SLIT2: variants seen among roughly 807,000 people sequenced by gnomAD.
SLIT2 encodes slit homolog 2 protein.
SLIT2 carries 41 observed loss-of-function variants against 185.7 expected under a neutral mutation model. That is an observed-to-expected ratio of 0.22 (90% CI 0.17 to 0.29). The LOEUF (loss-of-function observed/expected upper bound fraction) is 0.29, where lower values mean the gene tolerates loss of function less well. SLIT2 is among the 10% of genes least tolerant of loss of function. The pLI, the probability that SLIT2 is intolerant of heterozygous loss-of-function variation, is 1.00. For synonymous variants in SLIT2, 693 were observed against 680.2 expected (o/e 1.02, Z -0.29); for missense variants, 1,571 against 1,909.0 (o/e 0.82, Z 3.30).
intron 29 of SLIT2, among the ~76,000 whole-genome samples, chr4:20,571,087 T>G (rs990802007): frequency 1.3e-5 from 2 of 152,100 alleles, no homozygotes; most frequent in African/African-American, 2.4e-5. Flanking sequence ...TCAGATCTCT[T>G]TCTTTGAAAC....
rs1043434984 is a variant in SLIT2 at position 20,254,800 on chromosome 4, C to A, written c.179+806C>A. ...CGGCTGCCCCCTCCGGCCCTTCCTGCTGAACCCCTGCGTCCCCATCCACCT... is the reference window on the plus strand; with the variant it reads ...CGGCTGCCCCCTCCGGCCCTTCCTGATGAACCCCTGCGTCCCCATCCACCT... On this transcript the variant is annotated intron_variant, in intron 1 of 36. Transcript: ENST00000504154. This position sits in a 1 kb window ranked among gnomAD's most constrained non-coding sequence, Gnocchi z 5.1. 9.8e-6 allele frequency: 4 copies of A among 407,486 alleles called. No individual in the cohort carries two copies. In the Admixed American group the frequency reaches 1.0e-4, roughly 10 times the overall value. 25.2% of individuals were successfully genotyped at this position (407,486 alleles called of 1,614,324 possible).
At chr4:20,575,681 C>A (rs1353671984) in intron 29 of SLIT2, among the ~76,000 whole-genome samples, 1 of 152,140 alleles carries the variant, frequency 6.6e-6, no homozygotes, top group African/African-American at 2.4e-5. Flanking sequence ...TTATGCCAAA[C>A]AAGCTTTCCT....
At chr4:20,428,840 T>G (rs1180556269) in intron 4 of SLIT2, among the ~76,000 whole-genome samples, 2 of 152,166 alleles carry the variant, frequency 1.3e-5, no homozygotes, top group African/African-American at 4.8e-5. Context: ...TGCTGACACG[T>G]TAAAGTGGCA....
intron 4 of SLIT2, among the ~76,000 whole-genome samples, chr4:20,332,429 C>A (rs1332077420): frequency 6.6e-6 from 1 of 152,094 alleles, no homozygotes; most frequent in Non-Finnish European, 1.5e-5. Context: ...AAATAAAGGG[C>A]CAGGTGCGGT....
intron 4 of SLIT2, among the ~76,000 whole-genome samples, chr4:20,274,487 T>G (rs1018018424): frequency 6.6e-6 from 1 of 152,202 alleles, no homozygotes; most frequent in Non-Finnish European, 1.5e-5. Flanking sequence ...TTTTATTTTT[T>G]AAATCAACGT....
intron 4 of SLIT2, among the ~76,000 whole-genome samples, chr4:20,432,787 ATTACT>A (rs1374916788): frequency 2.6e-5 from 4 of 152,236 alleles, no homozygotes; most frequent in East Asian, 1.9e-4. Context: ...GAATAGATTC[ATTACT>A]TTAATTGCAA....
chr4:20,375,590 C>G lies in SLIT2; in HGVS notation c.396-92162C>G, dbSNP rs752738065. On this transcript the variant is annotated intron_variant, in intron 4 of 36. Transcript: ENST00000504154. ...CATTAACTAACAGTTTGATTTATGG[C>G]AAACCATTTAATCAGTCTTGACCTT... is the stretch of plus-strand genomic sequence containing the variant. 5.9e-5 allele frequency among the ~76,000 whole-genome samples: 9 copies of G among 152,022 alleles called. No homozygotes were observed. The East Asian group carries it at 1.7e-3, about 29-fold the overall frequency.
intron 4 of SLIT2, among the ~76,000 whole-genome samples, chr4:20,312,535 A>G (rs2109138431): frequency 6.6e-6 from 1 of 152,202 alleles, no homozygotes; most frequent in Non-Finnish European, 1.5e-5. Flanking sequence ...GCACTTTGGG[A>G]GGCTGAGGCA....
rs76427922 is a variant in SLIT2 at position 20,531,206 on chromosome 4, A to G, written c.1614-778A>G. 1.4e-3 allele frequency among the ~76,000 whole-genome samples: 216 copies of G among 152,346 alleles called. 2 individuals are homozygous for G. Among genetic ancestry groups the G allele is most frequent in the African/African-American group, 4.9e-3 (204 of 41,578 alleles). ...CATAGCAGCATTATTTATAGCCATC[A>G]AAGAATGGAAGCAACACAAATGCCT... On this transcript the variant is annotated intron_variant, in intron 16 of 36. Coordinates refer to ENST00000504154, the MANE Select transcript of SLIT2 (RefSeq NM_004787.4).
intron 15 of SLIT2, among the ~76,000 whole-genome samples, chr4:20,526,318 A>G (rs1721289958): frequency 6.6e-6 from 1 of 152,138 alleles, no homozygotes. Context: ...GTATATTATT[A>G]TACTGGCTGC....
At chr4:20,538,204 C>T (rs1185105918) in intron 18 of SLIT2, among the ~76,000 whole-genome samples, 1 of 152,168 alleles carries the variant, frequency 6.6e-6, no homozygotes, top group Admixed American at 6.5e-5. Flanking sequence ...TCGTGATCCG[C>T]CCGCCTCGGC....
chr4:20,581,045 G>A (rs1427666683), intron 29 of SLIT2, among the ~76,000 whole-genome samples: 6 of 152,182 alleles, frequency 3.9e-5, no homozygotes, highest in African/African-American at 1.4e-4. Context: ...TTTACTACCT[G>A]TATTGTTTTG....
At chr4:20,345,691 A>G (rs941314868) in intron 4 of SLIT2, among the ~76,000 whole-genome samples, 3 of 75,926 alleles carry the variant, frequency 4.0e-5, no homozygotes, top group African/African-American at 1.0e-4. Flanking sequence ...ACACACCACC[A>G]TGCCCGGCTA....
intron 12 of SLIT2, among the ~76,000 whole-genome samples, chr4:20,522,961 A>G (rs1720963946): frequency 6.6e-6 from 1 of 152,146 alleles, no homozygotes; most frequent in Non-Finnish European, 1.5e-5. Context: ...CAGAAAAAAA[A>G]TGTATATATT....
At chr4:20,545,967 T>G (rs1041614260) in intron 21 of SLIT2, 64 bp from the exon 22 acceptor site, 3 of 933,222 alleles carry the variant, frequency 3.2e-6, no homozygotes, top group African/African-American at 3.3e-5. Context: ...GAAGTACTGT[T>G]TACTTATTTT....
At chr4:20,540,189 G>A (rs570076842) in intron 19 of SLIT2, among the ~76,000 whole-genome samples, 1 of 152,172 alleles carries the variant, frequency 6.6e-6, no homozygotes, top group Admixed American at 6.5e-5. Flanking sequence ...TCGGGAGGGT[G>A]AGGCAGGAGA....
At chr4:20,396,517 T>C (rs1332549942) in intron 4 of SLIT2, among the ~76,000 whole-genome samples, 1 of 151,838 alleles carries the variant, frequency 6.6e-6, no homozygotes, top group Non-Finnish European at 1.5e-5. Flanking sequence ...CTGGGTGTTG[T>C]TATTACCAGA....
intron 26 of SLIT2, among the ~76,000 whole-genome samples, chr4:20,564,571 A>G (rs1724939884): frequency 6.6e-6 from 1 of 151,896 alleles, no homozygotes; most frequent in African/African-American, 2.4e-5. Context: ...TTGTTGAATA[A>G]CTGGGTTTTA....
At chr4:20,515,580 T>A (rs1472314756) in intron 11 of SLIT2, among the ~76,000 whole-genome samples, 1 of 152,170 alleles carries the variant, frequency 6.6e-6, no homozygotes, top group Non-Finnish European at 1.5e-5. Context: ...AGGTTTTCAA[T>A]GAAAATTAAA....
Sources: gnomAD v4.1 joint callset for allele counts (sites outside exome capture counted in the v4.1 genomes callset) on GRCh38, gnomAD v4.1.1 for gene constraint, Gnocchi (gnomAD v3.1) non-coding constraint, MANE v1.5 for transcripts, NCBI Gene and HGNC (gene_info 2026-07-23, HGNC 2026-07-21) for gene names.